GPKOW: variants seen among roughly 807,000 people sequenced by gnomAD.
The protein encoded by GPKOW is G-patch domain and KOW motifs, also known as G-patch domain and KOW motifs-containing protein.
For synonymous variants in GPKOW, 167 were observed against 159.1 expected (o/e 1.05, Z -0.37); for missense variants, 359 against 404.7 (o/e 0.89, Z 0.97).
chrX:49,117,809 C>T lies in GPKOW; in HGVS notation c.568G>A (p.Val190Ile). Reference protein sequence around the residue: ...GEGIGRTFNQVVKPRVNSLRP... With the variant: ...GEGIGRTFNQIVKPRVNSLRP... ...AGTGAGTTGACACGGGGCTTCACTA[C>T]TCTGCAGGGAGGAATATGGGTTTGT... The change falls in exon 5 of 11, where the codon GTA becomes ATA. Residue 190 changes from valine to isoleucine, a missense_variant and splice_region_variant. Physicochemically the swap from Val to Ile is conservative, Grantham distance 29. Coordinates refer to ENST00000156109, the MANE Select transcript of GPKOW (RefSeq NM_015698.6). The T allele has an allele frequency of 8.6e-7, 1 of 1,164,617 alleles. No individual in the cohort carries two copies. Among genetic ancestry groups the T allele is most frequent in the Non-Finnish European group, 1.2e-6 (1 of 859,261 alleles).
chrX:49,114,757 T>G (rs2065185845), intron 9 of GPKOW, among the ~76,000 whole-genome samples: 1 of 105,167 alleles, frequency 9.5e-6, no homozygotes, highest in African/African-American at 3.5e-5. Flanking sequence ...AAAACCTGTC[T>G]CTATTAAAAA....
intron 7 of GPKOW, 81 bp downstream of exon 7, chrX:49,116,140 T>C (rs1557090219): frequency 1.8e-6 from 2 of 1,110,304 alleles, no homozygotes; most frequent in East Asian, 6.0e-5. Flanking sequence ...GAGCCCGCCT[T>C]GCCTTGGAAG....
At chrX:49,115,613 T>C (rs1056761376) in intron 9 of GPKOW, 113 bp downstream of exon 9, 2 of 557,836 alleles carry the variant, frequency 3.6e-6, no homozygotes, top group Non-Finnish European at 6.3e-6. Flanking sequence ...AAGAGGATGC[T>C]AGGCCTTGCA....
rs1557090367 is a variant in GPKOW at position 49,117,078 on chromosome X, G to C, written c.865C>G (p.Leu289Val). Residue 289 changes from leucine (L) to valine (V), a missense_variant, in exon 6 of 11, where the codon CTG becomes GTG. Coordinates refer to ENST00000156109, the MANE Select transcript of GPKOW (RefSeq NM_015698.6). ...SRVVTVSEYY[L>V]RPVSQQEFDK... Reference sequence around the variant, plus strand: ...AACTCCTGCTGGGAGACAGGCCGCAGGTAGTACTCACTAACAGTCACCACC... The same window carrying C: ...AACTCCTGCTGGGAGACAGGCCGCACGTAGTACTCACTAACAGTCACCACC... 1 of 1,206,935 alleles carries C rather than the reference G, an allele frequency of 8.3e-7. No homozygotes were observed. Among genetic ancestry groups the C allele is most frequent in the Admixed American group, 2.2e-5 (1 of 45,944 alleles).
At chrX:49,114,259 C>T (rs1332688610) in intron 9 of GPKOW, among the ~76,000 whole-genome samples, 4 of 110,655 alleles carry the variant, frequency 3.6e-5, no homozygotes, top group African/African-American at 1.3e-4. Flanking sequence ...CCTGCCTCAG[C>T]CTCCTGAGTA....
chrX:49,119,551 G>A (rs2065206337), intron 4 of GPKOW, among the ~76,000 whole-genome samples, 154 bp downstream of exon 4: 1 of 112,218 alleles, frequency 8.9e-6, no homozygotes, highest in African/African-American at 3.2e-5. Context: ...GCAAATGGGA[G>A]TTTAAAACAG....
At chrX:49,114,375 G>A (rs2065183129) in intron 9 of GPKOW, among the ~76,000 whole-genome samples, 1 of 108,057 alleles carries the variant, frequency 9.3e-6, no homozygotes, top group African/African-American at 3.4e-5. Context: ...CTGACCTCAG[G>A]TGATCCACCC....
chrX:49,118,886 T>C (rs781920017), intron 4 of GPKOW, among the ~76,000 whole-genome samples: 1 of 109,960 alleles, frequency 9.1e-6, no homozygotes, highest in African/African-American at 3.3e-5. Context: ...AGCAAATGTT[T>C]AGTCTACGCT....
intron 5 of GPKOW, 58 bp from the exon 6 acceptor site, chrX:49,117,220 G>C: frequency 8.8e-7 from 1 of 1,131,986 alleles, no homozygotes; most frequent in Non-Finnish European, 1.2e-6. Flanking sequence ...CACATTCCTA[G>C]GACCAAGATG....
chrX:49,117,430 G>T (rs2065197371), intron 5 of GPKOW, among the ~76,000 whole-genome samples, 167 bp downstream of exon 5: 1 of 111,880 alleles, frequency 8.9e-6, no homozygotes, highest in African/African-American at 3.2e-5. Context: ...GGCTCACAAA[G>T]GCCAGCAAGT....
rs1557090383 is a variant in GPKOW, at chrX:49,117,167, A to C, written c.781-5T>G. On this transcript the variant is annotated splice_polypyrimidine_tract_variant and splice_region_variant and intron_variant, in intron 5 of 10. Transcript: ENST00000156109. ...GTCAGGATCAAGGCCTTCCACCTAA[A>C]GTGTTGAGGGGAAGAAGTCAGGTAG... The C allele has an allele frequency of 1.7e-6, 2 of 1,209,834 alleles. No individual in the cohort carries two copies. Among genetic ancestry groups the C allele is most frequent in the Non-Finnish European group, 2.2e-6 (2 of 894,193 alleles).
chrX:49,113,644 G>T lies in GPKOW; in HGVS notation c.1408C>A (p.Pro470Thr), dbSNP rs782735883. 4.1e-6 allele frequency: 5 copies of T among 1,210,411 alleles called. No homozygotes were observed. The highest frequency in any genetic ancestry group is 5.6e-6 in the Non-Finnish European group (5 of 894,512). ...GGTCAGTCATCATCTGTGTCACTAG[G>T]GCCCATGTACTGGCAGATGGCATCG... ...HYDAICQYMGPSDTDDD is the reference protein window; with the variant it reads ...HYDAICQYMGTSDTDDD Residue 470 changes from proline (P) to threonine (T), a missense_variant, in exon 11 of 11, where the codon CCT becomes ACT. Pro to Thr is a conservative substitution (Grantham distance 38). Coordinates refer to ENST00000156109, the MANE Select transcript of GPKOW (RefSeq NM_015698.6).
intron 9 of GPKOW, among the ~76,000 whole-genome samples, chrX:49,114,886 C>T (rs1465050167): frequency 5.6e-5 from 5 of 88,756 alleles, no homozygotes; most frequent in Non-Finnish European, 1.1e-4. Flanking sequence ...GATTGCGTCA[C>T]TGCACTCCAG....
intron 1 of GPKOW, 71 bp downstream of exon 1, chrX:49,123,476 A>T: frequency 9.8e-7 from 1 of 1,021,785 alleles, no homozygotes. Flanking sequence ...CAAGACAAAC[A>T]ACTGAGATTC....
chrX:49,118,687 C>G (rs782501199), intron 4 of GPKOW, among the ~76,000 whole-genome samples: 2 of 86,753 alleles, frequency 2.3e-5, no homozygotes, highest in Non-Finnish European at 4.3e-5. Context: ...CGCAGCGAGC[C>G]GAGATTGCGC....
In GPKOW at chrX:49,116,269, T is replaced by C. The variant is rs1557090251; in HGVS notation, c.968A>G (p.Tyr323Cys). The C allele has an allele frequency of 4.1e-6, 5 of 1,207,708 alleles. No homozygotes were observed. Among genetic ancestry groups the C allele is most frequent in the Admixed American group, 4.4e-5 (2 of 45,952 alleles). The change falls in exon 7 of 11, where the codon TAC (tyrosine) becomes TGC (cysteine). Residue 323 changes from tyrosine (Y) to cysteine (C), a missense_variant. Coordinates refer to ENST00000156109, the MANE Select transcript of GPKOW (RefSeq NM_015698.6). ...CCTCTCTGAGTTGTCCTGCTGGATG[T>C]AGAGTTCTTGATTCCAGAGGGTCTT... Reference protein sequence around the residue: ...SRKTLWNQELYIQQDNSERKR... With the variant: ...SRKTLWNQELCIQQDNSERKR...
chrX:49,113,726 T>C lies in GPKOW; in HGVS notation c.1326A>G (p.Ala442=). ...GCAGTTGCACCAAAGCCCGGCTCCG[T>C]GCTCTGTCCCGGCTCAGCAAATGTC... is the stretch of plus-strand genomic sequence containing the variant. ...RVGHLLSRDR[A]RSRALVQLPR... Residue 442 remains alanine (A), a synonymous_variant, in exon 11 of 11, where the codon GCA becomes GCG. Coordinates refer to ENST00000156109, the MANE Select transcript of GPKOW (RefSeq NM_015698.6). 1 of 1,207,778 alleles carries C rather than the reference T, an allele frequency of 8.3e-7. No individual in the cohort carries two copies. Among genetic ancestry groups the C allele is most frequent in the Non-Finnish European group, 1.1e-6 (1 of 893,291 alleles).
At position 49,122,440 on chromosome X, in the gene GPKOW, G is replaced by T. The variant is rs782421428; in HGVS notation, c.414C>A (p.Thr138=). The T allele has an allele frequency of 8.4e-7, 1 of 1,188,757 alleles. No homozygotes were observed. The highest frequency in any genetic ancestry group is 1.1e-6 in the Non-Finnish European group (1 of 886,230). Residue 138 remains threonine, a synonymous_variant, in exon 3 of 11, where the codon ACC becomes ACA. Transcript: ENST00000156109. ...CGCTGTCTGCCCCTTCCCCGCTGGG[G>T]GTGCATCCTTTCTGGATCATGGGGA... ...LAIPMIQKGC[T]PSGEGADSEP...
rs899550664 is a variant in GPKOW at position 49,113,913 on chromosome X, G to T, written c.1236C>A (p.Thr412=). Residue 412 remains threonine (T), a synonymous_variant, in exon 10 of 11, where the codon ACC becomes ACA. Transcript: ENST00000156109. ...LEGLREDMLE[T]LVPKAEGDRV... is the part of the protein sequence containing the mutation. ...GGTCACCCTCTGCCTTGGGAACCAG[G>T]GTCTCCAGCATGTCTTCCCTCAGGC... 3.3e-6 allele frequency: 4 copies of T among 1,203,532 alleles called. No individual in the cohort carries two copies. In the African/African-American group the frequency reaches 5.3e-5, roughly 16 times the overall value.
Sources: gnomAD v4.1 joint callset for allele counts (sites outside exome capture counted in the v4.1 genomes callset) on GRCh38, gnomAD v4.1.1 for gene constraint, MANE v1.5 for transcripts, NCBI Gene and HGNC (gene_info 2026-07-23, HGNC 2026-07-21) for gene names.